DNER: variants seen among roughly 807,000 people sequenced by gnomAD.
The protein encoded by DNER is delta and Notch-like epidermal growth factor-related receptor.
DNER carries 33 observed loss-of-function variants against 78.2 expected under a neutral mutation model. The observed-to-expected ratio is 0.42, with a 90% CI of 0.32 to 0.56. The LOEUF (loss-of-function observed/expected upper bound fraction) is 0.56, where lower values mean the gene tolerates loss of function less well. DNER is among the 20% of genes least tolerant of loss of function. The probability of loss-of-function intolerance (pLI) is 0.11; values close to 1 mark genes in which losing one functional copy is unlikely to be tolerated. For synonymous variants in DNER, 417 were observed against 384.8 expected, an observed-to-expected ratio of 1.08 and a Z score of -0.98; for missense variants, 918 against 975.3, an observed-to-expected ratio of 0.94 and a Z score of 0.78.
chr2:229,547,400 T>C (rs745752209), intron 4 of DNER, among the ~76,000 whole-genome samples: 9 of 152,214 alleles, frequency 5.9e-5, no homozygotes, highest in Non-Finnish European at 1.2e-4. Context: ...CCTTGCCCTC[T>C]GGGGGCTGCT....
At chr2:229,582,596 A>G (rs1697420564) in intron 4 of DNER, among the ~76,000 whole-genome samples, 1 of 152,214 alleles carries the variant, frequency 6.6e-6, no homozygotes, top group Admixed American at 6.5e-5. Context: ...CTCATAATCA[A>G]AAGTATAATT....
chr2:229,643,156 G>A (rs1432357765), intron 1 of DNER, among the ~76,000 whole-genome samples: 4 of 152,158 alleles, frequency 2.6e-5, no homozygotes, highest in African/African-American at 9.7e-5. Context: ...AATGGAGGTT[G>A]CAGTGAACCA....
chr2:229,587,277 C>T (rs547405074), intron 3 of DNER: 2 of 152,488 alleles, frequency 1.3e-5, no homozygotes, highest in East Asian at 3.9e-4. Context: ...ACGCTTAGGA[C>T]CGGGGTCCCC....
chr2:229,463,212 G>T (rs954574142), intron 7 of DNER, among the ~76,000 whole-genome samples: 1 of 152,078 alleles, frequency 6.6e-6, no homozygotes, highest in Admixed American at 6.5e-5. Flanking sequence ...GCTATGGGAA[G>T]TGTGCAGTAA....
chr2:229,457,113 AG>A (rs753261281), intron 7 of DNER, among the ~76,000 whole-genome samples: 5 of 152,094 alleles, frequency 3.3e-5, no homozygotes, highest in Non-Finnish European at 7.3e-5. Flanking sequence ...TTTCTGATAA[AG>A]AACAGCTGAG....
At chr2:229,604,728 C>T (rs1697900749) in intron 1 of DNER, among the ~76,000 whole-genome samples, 1 of 152,190 alleles carries the variant, frequency 6.6e-6, no homozygotes, top group African/African-American at 2.4e-5. Flanking sequence ...TTTTAATACC[C>T]ATCTGCTCCC....
intron 1 of DNER, among the ~76,000 whole-genome samples, chr2:229,602,051 G>C (rs534100628): frequency 4.6e-5 from 7 of 150,834 alleles, no homozygotes; most frequent in Admixed American, 2.0e-4. Context: ...GAATAAAAAA[G>C]TTGCAGAACA....
chr2:229,672,947 C>T (rs1163674651), intron 1 of DNER, among the ~76,000 whole-genome samples: 8 of 152,224 alleles, frequency 5.3e-5, no homozygotes, highest in Admixed American at 3.3e-4. Context: ...GGCATGTCTT[C>T]ACCCAATGAC....
At chr2:229,598,488 C>T (rs1559178261) in intron 1 of DNER, among the ~76,000 whole-genome samples, 1 of 152,210 alleles carries the variant, frequency 6.6e-6, no homozygotes, top group Non-Finnish European at 1.5e-5. Context: ...ATTGCTTGCC[C>T]TGCTGGTATG....
rs945863077 is a variant in DNER, at chr2:229,593,494, A to G, written c.277-1606T>C. On this transcript the variant is annotated intron_variant, in intron 1 of 12. Coordinates refer to ENST00000341772, the MANE Select transcript of DNER (RefSeq NM_139072.4). The stretch of plus-strand genomic sequence containing the variant: ...CTAATCTCTTCTTTACCCCTCTCCT[A>G]CAAAAATGTGAGCTGCACGAATTCA... Among the ~76,000 whole-genome samples, 5 of 152,314 alleles carry G rather than the reference A, an allele frequency of 3.3e-5. No individual in the cohort carries two copies. The East Asian group carries it at 7.7e-4, about 23-fold the overall frequency.
chr2:229,628,750 G>A (rs1698387719), intron 1 of DNER, among the ~76,000 whole-genome samples: 1 of 152,100 alleles, frequency 6.6e-6, no homozygotes, highest in Non-Finnish European at 1.5e-5. Context: ...GTGTCTAAAT[G>A]TAAGTCAACA....
At chr2:229,708,651 GT>G (rs1699864732) in intron 1 of DNER, among the ~76,000 whole-genome samples, 1 of 152,126 alleles carries the variant, frequency 6.6e-6, no homozygotes, top group Non-Finnish European at 1.5e-5. Context: ...TTCAGACTAG[GT>G]TTTCTTTCTT....
intron 1 of DNER, among the ~76,000 whole-genome samples, chr2:229,701,502 T>G (rs929521800): frequency 6.6e-6 from 1 of 152,264 alleles, no homozygotes; most frequent in African/African-American, 2.4e-5. Context: ...ATCTGTATTT[T>G]GCCTGGGCAT....
chr2:229,442,690 C>T (rs1574845304), intron 8 of DNER, among the ~76,000 whole-genome samples: 1 of 152,238 alleles, frequency 6.6e-6, no homozygotes. Context: ...TGTTCAATTG[C>T]TATTAAAATC....
chr2:229,619,830 A>T (rs1332358842), intron 1 of DNER, among the ~76,000 whole-genome samples: 1 of 152,248 alleles, frequency 6.6e-6, no homozygotes, highest in Non-Finnish European at 1.5e-5. Context: ...ACATTAAATA[A>T]TAGTGAATAT....
intron 1 of DNER, among the ~76,000 whole-genome samples, chr2:229,713,924 C>G (rs1026119935): frequency 6.6e-6 from 1 of 152,180 alleles, no homozygotes; most frequent in Non-Finnish European, 1.5e-5. Context: ...CGGCACACCC[C>G]GAGAGCCCGG....
intron 4 of DNER, among the ~76,000 whole-genome samples, chr2:229,576,193 G>A (rs1252533979): frequency 6.6e-6 from 1 of 152,132 alleles, no homozygotes; most frequent in African/African-American, 2.4e-5. Context: ...TAAGTTTTCA[G>A]TGAAAGATGT....
Position 229,499,781 on chromosome 2 carries a change from C to T in DNER, c.1147+13002G>A, listed in dbSNP as rs899597240. Among the ~76,000 whole-genome samples, 4 of 152,070 alleles carry T rather than the reference C, an allele frequency of 2.6e-5. No homozygotes were observed. In the South Asian group the frequency reaches 6.2e-4, roughly 24 times the overall value. ...AGAAGCGATCAATGGAGTGAAAATA[C>T]AACCTGCAGAATAAGAGAAAATACT... On this transcript the variant is annotated intron_variant, in intron 6 of 12. Coordinates refer to ENST00000341772, the MANE Select transcript of DNER (RefSeq NM_139072.4).
intron 5 of DNER, among the ~76,000 whole-genome samples, chr2:229,519,649 C>A (rs11695055): frequency 0.34 from 51,044 of 151,914 alleles, 9,789 homozygotes; most frequent in Non-Finnish European, 0.41. Context: ...AATCCTTTGT[C>A]ATTCACAGCG....
Sources: gnomAD v4.1 joint callset for allele counts (sites outside exome capture counted in the v4.1 genomes callset) on GRCh38, gnomAD v4.1.1 for gene constraint, MANE v1.5 for transcripts, NCBI Gene and HGNC (gene_info 2026-07-23, HGNC 2026-07-21) for gene names.